Variants in SEMA5A observed in about 807,000 individuals in gnomAD.
SEMA5A encodes semaphorin 5A, also known as semaphorin-5A.
SEMA5A carries 55 observed loss-of-function variants against 135.5 expected under a neutral mutation model. The ratio of observed to expected loss-of-function variants is 0.41; its 90% CI spans 0.33 to 0.51. The LOEUF is 0.51. Among genes scored for constraint, SEMA5A ranks in the 20% least tolerant of loss-of-function variants. The probability of loss-of-function intolerance (pLI) is 0.37; values close to 1 mark genes in which losing one functional copy is unlikely to be tolerated. For synonymous variants in SEMA5A, 580 were observed against 546.5 expected (o/e 1.06, Z -0.85); for missense variants, 1,290 against 1,419.9 (o/e 0.91, Z 1.47).
At chr5:9,390,044 A>G (rs770748724) in intron 2 of SEMA5A, among the ~76,000 whole-genome samples, 2 of 152,344 alleles carry the variant, frequency 1.3e-5, no homozygotes, top group South Asian at 2.1e-4. Context: ...CCTCTTTACA[A>G]TATTAGCACT....
intron 5 of SEMA5A, among the ~76,000 whole-genome samples, chr5:9,239,569 G>T (rs984887214): frequency 4.1e-4 from 63 of 151,836 alleles, no homozygotes; most frequent in African/African-American, 1.4e-3. Context: ...CAGTTTTTTT[G>T]TATTTAAGTA....
intron 12 of SEMA5A, among the ~76,000 whole-genome samples, chr5:9,148,731 T>C (rs908037386): frequency 6.6e-6 from 1 of 152,150 alleles, no homozygotes; most frequent in Non-Finnish European, 1.5e-5. Flanking sequence ...TGTTTTGTTT[T>C]GGTTTTGAGA....
intron 1 of SEMA5A, among the ~76,000 whole-genome samples, chr5:9,538,780 C>G (rs2126376656): frequency 6.6e-6 from 1 of 152,278 alleles, no homozygotes; most frequent in African/African-American, 2.4e-5. Flanking sequence ...GTTTCAGTAT[C>G]AAAGAAATGT....
intron 5 of SEMA5A, among the ~76,000 whole-genome samples, chr5:9,285,395 C>G (rs1390047910): frequency 6.6e-6 from 1 of 152,164 alleles, no homozygotes; most frequent in Non-Finnish European, 1.5e-5. Flanking sequence ...AAGACAGTGG[C>G]CTTTGAGTCA....
intron 11 of SEMA5A, among the ~76,000 whole-genome samples, chr5:9,177,654 C>G (rs1427856453): frequency 6.6e-6 from 1 of 152,190 alleles, no homozygotes; most frequent in Non-Finnish European, 1.5e-5. Flanking sequence ...TGTCTCTTCC[C>G]AAACTGGGGC....
chr5:9,406,990 G>T (rs1756910437), intron 2 of SEMA5A, among the ~76,000 whole-genome samples: 1 of 152,212 alleles, frequency 6.6e-6, no homozygotes. Context: ...GCTTCAGCGT[G>T]ACTGTCATTT....
At chr5:9,256,300 C>A (rs959056927) in intron 5 of SEMA5A, among the ~76,000 whole-genome samples, 1 of 152,158 alleles carries the variant, frequency 6.6e-6, no homozygotes, top group African/African-American at 2.4e-5. Flanking sequence ...GCCTCCAATT[C>A]TCTGACCCCG....
chr5:9,091,604 GAC>G (rs1739039285), intron 16 of SEMA5A, among the ~76,000 whole-genome samples: 1 of 152,142 alleles, frequency 6.6e-6, no homozygotes, highest in Non-Finnish European at 1.5e-5. Flanking sequence ...TCAAGTTTAA[GAC>G]ACAGGCTAAA....
chr5:9,480,120 C>T (rs529957783), intron 1 of SEMA5A, among the ~76,000 whole-genome samples: 3 of 152,108 alleles, frequency 2.0e-5, no homozygotes, highest in Non-Finnish European at 4.4e-5. Context: ...GGCCTCTGCA[C>T]ATTCGACACG....
chr5:9,172,869 A>T (rs1250334214), intron 11 of SEMA5A, among the ~76,000 whole-genome samples: 1 of 152,230 alleles, frequency 6.6e-6, no homozygotes, highest in Non-Finnish European at 1.5e-5. Flanking sequence ...ATTTAACAAG[A>T]TTCACTATAC....
rs1335648562 is a variant in SEMA5A at position 9,036,669 on chromosome 5, C to CA, written c.*6227dup. ...TCTGGTTCTACATCCCCAGTGAGGG[C>CA]AAAAATCACATCTGAAGATGATGTG... On this transcript the variant is annotated 3_prime_UTR_variant, in exon 23 of 23. Transcript: ENST00000382496. 1 of 152,558 alleles carries CA rather than the reference C, an allele frequency of 6.6e-6. No homozygotes were observed. Among genetic ancestry groups the CA allele is most frequent in the African/African-American group, 2.4e-5 (1 of 41,440 alleles). 9.5% of individuals were successfully genotyped at this position (152,558 alleles called of 1,614,324 possible).
chr5:9,259,548 T>A (rs1444745760), intron 5 of SEMA5A, among the ~76,000 whole-genome samples: 2 of 151,272 alleles, frequency 1.3e-5, no homozygotes, highest in Non-Finnish European at 2.9e-5. Flanking sequence ...GGGTGGAGAG[T>A]TCTGTAGATG....
rs559356385 is a variant in SEMA5A, at chr5:9,509,930, T to C, written c.-175+35654A>G. ...GAGAAGAGAGAAAACAAAAAGTATATAAACTAGAAAGAATATTATTTCAAG... is the reference window on the plus strand; with the variant it reads ...GAGAAGAGAGAAAACAAAAAGTATACAAACTAGAAAGAATATTATTTCAAG... On this transcript the variant is annotated intron_variant, in intron 1 of 22. Coordinates refer to ENST00000382496, the MANE Select transcript of SEMA5A (RefSeq NM_003966.3). Among the ~76,000 whole-genome samples the C allele has an allele frequency of 7.9e-5, 12 of 152,134 alleles. 1 individual carries two copies. Among genetic ancestry groups the C allele is most frequent in the Middle Eastern group, 3.4e-3 (1 of 294 alleles).
intron 16 of SEMA5A, among the ~76,000 whole-genome samples, chr5:9,087,631 C>T (rs1320691073): frequency 1.3e-5 from 2 of 151,874 alleles, no homozygotes; most frequent in Admixed American, 1.3e-4. Flanking sequence ...TTCTCCTTAT[C>T]ACTATAAACA....
At chr5:9,354,183 C>A (rs889311820) in intron 3 of SEMA5A, among the ~76,000 whole-genome samples, 1 of 152,114 alleles carries the variant, frequency 6.6e-6, no homozygotes, top group Admixed American at 6.5e-5. Context: ...TGTATTTTGG[C>A]CAATCTCTTC....
At chr5:9,130,934 T>C (rs1002928305) in intron 13 of SEMA5A, among the ~76,000 whole-genome samples, 4 of 152,194 alleles carry the variant, frequency 2.6e-5, no homozygotes, top group African/African-American at 9.7e-5. Flanking sequence ...GACTATAGTC[T>C]ATGGTACTGC....
rs57111219 is a variant in SEMA5A at position 9,283,538 on chromosome 5, C to T, written c.270+34834G>A. On this transcript the variant is annotated intron_variant, in intron 5 of 22. Coordinates refer to ENST00000382496, the MANE Select transcript of SEMA5A (RefSeq NM_003966.3). ...TCCCTTTTGACTAACCTATACTCAACTGATTAGGGTTCTTAATTCCATCTG... is the reference window on the plus strand; with the variant it reads ...TCCCTTTTGACTAACCTATACTCAATTGATTAGGGTTCTTAATTCCATCTG... Among the ~76,000 whole-genome samples the T allele has an allele frequency of 8.3e-3, 1,265 of 152,300 alleles. 17 individuals carry two copies. Among genetic ancestry groups the T allele is most frequent in the African/African-American group, 0.028 (1,172 of 41,554 alleles).
intron 16 of SEMA5A, among the ~76,000 whole-genome samples, chr5:9,088,661 C>T (rs1824943): frequency 0.063 from 5,390 of 85,010 alleles, 220 homozygotes; most frequent in African/African-American, 0.12. Flanking sequence ...TATATATATA[C>T]ACACACACAC....
At chr5:9,427,169 G>T (rs935050102) in intron 2 of SEMA5A, among the ~76,000 whole-genome samples, 25 of 152,126 alleles carry the variant, frequency 1.6e-4, no homozygotes, top group African/African-American at 5.6e-4. Flanking sequence ...ACATTAGCCA[G>T]GCATGGTGGC....
Sources: gnomAD v4.1 joint callset for allele counts (sites outside exome capture counted in the v4.1 genomes callset) on GRCh38, gnomAD v4.1.1 for gene constraint, MANE v1.5 for transcripts, NCBI Gene and HGNC (gene_info 2026-07-23, HGNC 2026-07-21) for gene names.